IMPG1: variants seen among roughly 807,000 people sequenced by gnomAD.
IMPG1 encodes the protein interphotoreceptor matrix proteoglycan of 150 kDa.
A neutral mutation model predicts 92.0 loss-of-function variants in IMPG1; 85 were observed. The ratio of observed to expected loss-of-function variants is 0.92; its 90% CI spans 0.78 to 1.11. The LOEUF is 1.11. IMPG1 is among the 50% of genes least tolerant of loss of function. The probability of loss-of-function intolerance (pLI) is 0.00; values close to 1 mark genes in which losing one functional copy is unlikely to be tolerated. For missense variants in IMPG1, 1,022 were observed against 956.0 expected, an observed-to-expected ratio of 1.07 and a Z score of -0.91; for synonymous variants, 367 against 334.1, an observed-to-expected ratio of 1.10 and a Z score of -1.08.
intron 13 of IMPG1, among the ~76,000 whole-genome samples, chr6:75,948,906 A>AT (rs1363363915): frequency 6.6e-6 from 1 of 152,114 alleles, no homozygotes; most frequent in Non-Finnish European, 1.5e-5. Context: ...GGAAACAGGG[A>AT]TGTACCAATG....
chr6:75,951,107 T>G lies in IMPG1; in HGVS notation c.1292-13A>C. On this transcript the variant is annotated splice_polypyrimidine_tract_variant and intron_variant, in intron 12 of 16. Transcript: ENST00000369950. ...GACCAAGAAGTGTCTGTGGAGGAAGTACAATTTCATTATGTCCAAGTATTC... is the reference window on the plus strand; with the variant it reads ...GACCAAGAAGTGTCTGTGGAGGAAGGACAATTTCATTATGTCCAAGTATTC... 1 of 1,565,038 alleles carries G rather than the reference T, an allele frequency of 6.4e-7. No individual in the cohort carries two copies. Among genetic ancestry groups the G allele is most frequent in the South Asian group, 1.2e-5 (1 of 84,240 alleles).
intron 4 of IMPG1, among the ~76,000 whole-genome samples, chr6:76,025,699 C>G (rs1482393692): frequency 2.0e-5 from 3 of 152,164 alleles, no homozygotes; most frequent in African/African-American, 7.2e-5. Flanking sequence ...TAAAGTAACT[C>G]TTGTGGTTAC....
chr6:75,941,168 G>A (rs1781832174), intron 14 of IMPG1, among the ~76,000 whole-genome samples: 1 of 152,104 alleles, frequency 6.6e-6, no homozygotes, highest in African/African-American at 2.4e-5. Flanking sequence ...TCTGACTCAT[G>A]GCAGATAATC....
chr6:76,068,649 T>C (rs1422981228), intron 1 of IMPG1, among the ~76,000 whole-genome samples: 4 of 151,418 alleles, frequency 2.6e-5, no homozygotes, highest in African/African-American at 4.9e-5. Flanking sequence ...CCCAAGTACC[T>C]GGGATTATAG....
rs117893174 is a variant in IMPG1 at position 76,070,946 on chromosome 6, A to G, written c.67+1476T>C. On this transcript the variant is annotated intron_variant, in intron 1 of 16. Coordinates refer to ENST00000369950, the MANE Select transcript of IMPG1 (RefSeq NM_001563.4). Reference sequence around the variant, plus strand: ...CAATATATGGGTGTAACAAAACTGCACTTGTACTCCCTAAATCTATATTTA... The same window carrying G: ...CAATATATGGGTGTAACAAAACTGCGCTTGTACTCCCTAAATCTATATTTA... Among the ~76,000 whole-genome samples the G allele has an allele frequency of 1.2e-4, 18 of 152,124 alleles. No homozygotes were observed. In the East Asian group the frequency reaches 1.9e-3, roughly 16 times the overall value.
intron 12 of IMPG1, among the ~76,000 whole-genome samples, chr6:75,980,364 C>G (rs1782607319): frequency 6.6e-6 from 1 of 152,168 alleles, no homozygotes; most frequent in African/African-American, 2.4e-5. Context: ...TAATAATATA[C>G]AGGTGTGATA....
At chr6:76,071,757 C>G (rs1273923203) in intron 1 of IMPG1, among the ~76,000 whole-genome samples, 1 of 152,028 alleles carries the variant, frequency 6.6e-6, no homozygotes. Context: ...ATAAAAAAGT[C>G]AAACTTTCTC....
chr6:76,071,774 G>A (rs972286013), intron 1 of IMPG1, among the ~76,000 whole-genome samples: 7 of 152,012 alleles, frequency 4.6e-5, no homozygotes, highest in African/African-American at 1.4e-4. Context: ...TCTCCAACAT[G>A]TGTGTTTCTT....
intron 1 of IMPG1, among the ~76,000 whole-genome samples, chr6:76,055,071 C>T (rs1784098275): frequency 6.6e-6 from 1 of 151,788 alleles, no homozygotes; most frequent in Non-Finnish European, 1.5e-5. Context: ...CAAGCCTGAC[C>T]TAATGGACAT....
At chr6:76,016,278 T>A (rs1783285998) in intron 7 of IMPG1, among the ~76,000 whole-genome samples, 1 of 152,178 alleles carries the variant, frequency 6.6e-6, no homozygotes, top group Non-Finnish European at 1.5e-5. Flanking sequence ...AAAATCCCAA[T>A]ATATTTGCAT....
At position 76,007,493 on chromosome 6, in the gene IMPG1, T is replaced by G; in HGVS notation, c.874A>C (p.Lys292Gln). The stretch of plus-strand genomic sequence containing the variant: ...AGTCCAAATTACCCATCTTTTTCTT[T>G]CTTTGGTCTTCATTTCATCATGCAC... ...KIHVLGFRPK[K>Q]EKDGSSSTEM... Residue 292 changes from lysine to glutamine, a missense_variant, in exon 9 of 17, where the codon AAA becomes CAA. Physicochemically the swap from Lys to Gln is moderately conservative, Grantham distance 53. Transcript: ENST00000369950. 6.3e-7 allele frequency: 1 copy of G among 1,599,470 alleles called. No homozygotes were observed. The highest frequency in any genetic ancestry group is 1.1e-5 in the South Asian group (1 of 89,226).
chr6:76,013,430 T>G (rs1454515522), intron 7 of IMPG1, among the ~76,000 whole-genome samples: 2 of 152,172 alleles, frequency 1.3e-5, no homozygotes, highest in African/African-American at 4.8e-5. Flanking sequence ...TTTTCCACCT[T>G]CTGCTTATTA....
At position 75,930,951 on chromosome 6, in the gene IMPG1, A is replaced by C; in HGVS notation, c.2243+2T>G. The C allele has an allele frequency of 6.2e-7, 1 of 1,613,706 alleles. No homozygotes were observed. The highest frequency in any genetic ancestry group is 1.1e-5 in the South Asian group (1 of 91,080). On this transcript the variant is annotated splice_donor_variant, in intron 15 of 16. Transcript: ENST00000369950. LOFTEE classifies it high-confidence loss of function. ...TCTGTGACGTTAGCATGCTTGACCC[A>C]CCTGCATGGAGCTCCCTTTCCCTGG...
intron 15 of IMPG1, among the ~76,000 whole-genome samples, chr6:75,924,579 A>T (rs1186660763): frequency 0.017 from 392 of 23,606 alleles, 65 homozygotes; most frequent in Non-Finnish European, 0.026. Flanking sequence ...ATATATAATT[A>T]ATATAATTAT....
At chr6:75,924,734 T>TAA (rs1249975999) in intron 15 of IMPG1, among the ~76,000 whole-genome samples, 1 of 63,256 alleles carries the variant, frequency 1.6e-5, no homozygotes, top group African/African-American at 6.4e-5. Flanking sequence ...TAATTATATA[T>TAA]AATATATAAT....
intron 1 of IMPG1, among the ~76,000 whole-genome samples, chr6:76,071,833 T>C (rs1467125743): frequency 6.6e-6 from 1 of 152,076 alleles, no homozygotes; most frequent in Non-Finnish European, 1.5e-5. Context: ...TGTGGCTTAT[T>C]TTAATTTCAT....
Position 75,931,031 on chromosome 6 carries a change from A to T in IMPG1, c.2165T>A (p.Leu722Gln), listed in dbSNP as rs1781659462. 1 of 1,614,062 alleles carries T rather than the reference A, an allele frequency of 6.2e-7. No homozygotes were observed. Among genetic ancestry groups the T allele is most frequent in the Non-Finnish European group, 8.5e-7 (1 of 1,180,034 alleles). ...ACAGAGGCCTGGTTCCAGACCGTCC[A>T]GGCTCCCCTGGCTGTCATATCCTGG... ...CKPGYDSQGSLDGLEPGLCGP... is the reference protein window; with the variant it reads ...CKPGYDSQGSQDGLEPGLCGP... The change falls in exon 15 of 17, where the codon CTG becomes CAG. Residue 722 changes from leucine (L) to glutamine (Q), a missense_variant. Coordinates refer to ENST00000369950, the MANE Select transcript of IMPG1 (RefSeq NM_001563.4).
intron 14 of IMPG1, among the ~76,000 whole-genome samples, chr6:75,937,419 G>A (rs2149452558): frequency 6.6e-6 from 1 of 152,214 alleles, no homozygotes; most frequent in Non-Finnish European, 1.5e-5. Flanking sequence ...CAGTTAGAAG[G>A]GCTTATAAGA....
At chr6:76,003,136 G>A in intron 11 of IMPG1, 140 bp from the exon 12 acceptor site, 1 of 649,386 alleles carries the variant, frequency 1.5e-6, no homozygotes, top group Non-Finnish European at 2.8e-6. Flanking sequence ...TATGGAGGAA[G>A]GTTCTGATAT....
Sources: allele counts gnomAD v4.1 joint callset (sites outside exome capture counted in the v4.1 genomes callset), GRCh38; gene constraint gnomAD v4.1.1; transcripts MANE v1.5; gene names NCBI Gene and HGNC (gene_info 2026-07-23, HGNC 2026-07-21).